Variants in TULP4 observed in about 807,000 individuals in gnomAD.
The protein encoded by TULP4 is tubby-related protein 4.
In TULP4, 16 loss-of-function variants were observed where a neutral mutation model predicts 129.0. The observed-to-expected ratio is 0.12, with a 90% CI of 0.08 to 0.19. TULP4 has a LOEUF of 0.19. Among genes scored for constraint, TULP4 ranks in the 10% least tolerant of loss-of-function variants. TULP4 has a pLI of 1.00. For missense variants in TULP4, 1,842 were observed against 2,059.1 expected (o/e 0.89, Z 2.04); for synonymous variants, 998 against 854.0 (o/e 1.17, Z -2.94).
chr6:158,449,062 G>C lies in TULP4; in HGVS notation c.610G>C (p.Val204Leu). 4.3e-6 allele frequency: 7 copies of C among 1,613,966 alleles called. No individual in the cohort carries two copies. Among genetic ancestry groups the C allele is most frequent in the Non-Finnish European group, 5.9e-6 (7 of 1,179,904 alleles). ...MDCHGRMLAHVLLHESDGVLG... is the reference protein window; with the variant it reads ...MDCHGRMLAHLLLHESDGVLG... Reference sequence around the variant, plus strand: ...TTGCCACGGCAGAATGCTGGCCCACGTCCTCTTGCACGAGTCAGACGGTGT... The same window carrying C: ...TTGCCACGGCAGAATGCTGGCCCACCTCCTCTTGCACGAGTCAGACGGTGT... Residue 204 changes from valine to leucine, a missense_variant, in exon 4 of 14, where the codon GTC becomes CTC. This residue lies in a region of TULP4 where 456 missense variants were observed against 534.3 expected (regional missense o/e 0.85). Coordinates refer to ENST00000367097, the MANE Select transcript of TULP4 (RefSeq NM_020245.5).
intron 1 of TULP4, among the ~76,000 whole-genome samples, chr6:158,372,164 C>CTTTTT (rs67123255): frequency 0.51 from 42,082 of 82,930 alleles, 12,374 homozygotes; most frequent in South Asian, 0.55. Flanking sequence ...ATTCTATCTG[C>CTTTTT]TTTTTTTTTT....
chr6:158,471,413 A>G lies in TULP4; in HGVS notation c.1027-8338A>G, dbSNP rs183427793. Among the ~76,000 whole-genome samples, 15 of 152,368 alleles carry G rather than the reference A, an allele frequency of 9.8e-5. No homozygotes were observed. In the East Asian group the frequency reaches 2.9e-3, roughly 29 times the overall value. Reference sequence around the variant, plus strand: ...GTAGCAGGGCCAAGGAGTCGAAGGAATCTAGGAAACTGCTAAGGATACTAT... The same window carrying G: ...GTAGCAGGGCCAAGGAGTCGAAGGAGTCTAGGAAACTGCTAAGGATACTAT... On this transcript the variant is annotated intron_variant, in intron 6 of 13. Transcript: ENST00000367097.
chr6:158,394,446 G>A (rs1777658525), intron 1 of TULP4, among the ~76,000 whole-genome samples: 1 of 151,886 alleles, frequency 6.6e-6, no homozygotes, highest in Admixed American at 6.6e-5. Flanking sequence ...CCCACTCCTG[G>A]TACCGATTTT....
At chr6:158,272,947 A>T (rs192125006) in intron 1 of TULP4, among the ~76,000 whole-genome samples, 6 of 152,356 alleles carry the variant, frequency 3.9e-5, no homozygotes, top group Admixed American at 2.6e-4. Flanking sequence ...AGATGCATAG[A>T]GATCTCATGA....
chr6:158,439,217 A>C (rs778766983), intron 3 of TULP4, among the ~76,000 whole-genome samples: 1 of 152,166 alleles, frequency 6.6e-6, no homozygotes, highest in Admixed American at 6.5e-5. Context: ...TATAAATATC[A>C]ACTAACACAT....
chr6:158,249,295 G>A (rs1043197375), intron 1 of TULP4, among the ~76,000 whole-genome samples: 2 of 149,534 alleles, frequency 1.3e-5, no homozygotes, highest in Admixed American at 6.6e-5. Flanking sequence ...ATTTTCTGTT[G>A]CCTGAATAAT....
At chr6:158,401,048 TTTTTG>T (rs932435595) in intron 1 of TULP4, among the ~76,000 whole-genome samples, 3 of 108,758 alleles carry the variant, frequency 2.8e-5, no homozygotes, top group Non-Finnish European at 6.2e-5. Flanking sequence ...TTGTTTGGGT[TTTTTG>T]TTGTTGTTGT....
At chr6:158,304,446 T>C (rs1443260001) in intron 1 of TULP4, among the ~76,000 whole-genome samples, 2 of 152,200 alleles carry the variant, frequency 1.3e-5, no homozygotes, top group Admixed American at 6.5e-5. Flanking sequence ...TCTAATAATA[T>C]CTGTGGAGGT....
At chr6:158,424,016 C>T (rs1778416031) in intron 2 of TULP4, among the ~76,000 whole-genome samples, 1 of 152,000 alleles carries the variant, frequency 6.6e-6, no homozygotes, top group Non-Finnish European at 1.5e-5. Context: ...TTGAAGTACA[C>T]ATATCTGATA....
rs1364876016 is a variant in TULP4, at chr6:158,508,912, G to C, written c.*2218G>C. 3 of 131,602 alleles carry C rather than the reference G, an allele frequency of 2.3e-5. No homozygotes were observed. The highest frequency in any genetic ancestry group is 4.8e-5 in the Non-Finnish European group (3 of 62,880). 8.2% of individuals were successfully genotyped at this position (131,602 alleles called of 1,614,324 possible). A position where few individuals can be genotyped will look rare whatever the true frequency, so the allele number is the denominator to read the frequency against. ...TTTTTTTTTTTTTTTTTTTGAGACGGAGTCCCACTCTTGTCGCCCAACTAG... is the reference window on the plus strand; with the variant it reads ...TTTTTTTTTTTTTTTTTTTGAGACGCAGTCCCACTCTTGTCGCCCAACTAG... On this transcript the variant is annotated 3_prime_UTR_variant, in exon 14 of 14. Coordinates refer to ENST00000367097, the MANE Select transcript of TULP4 (RefSeq NM_020245.5).
chr6:158,360,895 G>A (rs998634898), intron 1 of TULP4, among the ~76,000 whole-genome samples: 1 of 152,108 alleles, frequency 6.6e-6, no homozygotes, highest in Admixed American at 6.5e-5. Flanking sequence ...ACCATTAGCA[G>A]AATTACATTT....
At chr6:158,426,569 A>C (rs139887880) in intron 2 of TULP4, among the ~76,000 whole-genome samples, 79 of 152,112 alleles carry the variant, frequency 5.2e-4, no homozygotes, top group African/African-American at 1.9e-3. Flanking sequence ...GTTCTGTTCC[A>C]TTGGTCTGTG....
chr6:158,236,451 CA>C (rs1777701679), intron 1 of TULP4, among the ~76,000 whole-genome samples: 1 of 152,098 alleles, frequency 6.6e-6, no homozygotes, highest in Admixed American at 6.5e-5. Flanking sequence ...CTTTACATTT[CA>C]ACTATTTATC....
At chr6:158,404,559 C>G (rs1777930919) in intron 1 of TULP4, among the ~76,000 whole-genome samples, 1 of 151,982 alleles carries the variant, frequency 6.6e-6, no homozygotes, top group African/African-American at 2.4e-5. Flanking sequence ...GGGTGGATCA[C>G]AAGGTCACGA....
rs563226638 is a variant in TULP4 at position 158,252,285 on chromosome 6, A to AT, written n.68+19988dup. ...TCTTTTTTCCATTGTTTCTACCTTG[A>AT]TTTTTTAGAAAGTCTTTTTCCCATA... On this transcript the variant is annotated intron_variant and non_coding_transcript_variant, in intron 1 of 1. Transcript: ENST00000620026. 2.7e-4 allele frequency among the ~76,000 whole-genome samples: 39 copies of AT among 144,236 alleles called. No homozygotes were observed. The East Asian group carries it at 7.1e-3, about 26-fold the overall frequency. The allele number at this position is 144,236 out of a possible 152,430, so 94.6% of individuals were successfully genotyped here.
chr6:158,349,200 C>CTGCCCGGCTGCCCCGT (rs1562529867), intron 1 of TULP4, among the ~76,000 whole-genome samples: 19 of 147,196 alleles, frequency 1.3e-4, no homozygotes, highest in Non-Finnish European at 2.4e-4. Context: ...GCGCTCCTCA[C>CTGCCCGGCTGCCCCGT]CTCTCAGACG....
chr6:158,369,923 C>T (rs937558834), intron 1 of TULP4, among the ~76,000 whole-genome samples: 1 of 152,134 alleles, frequency 6.6e-6, no homozygotes, highest in Admixed American at 6.5e-5. Flanking sequence ...TGCAGTGGCT[C>T]AAGCCTATAA....
intron 1 of TULP4, among the ~76,000 whole-genome samples, chr6:158,350,438 T>C (rs1236248633): frequency 6.6e-6 from 1 of 152,132 alleles, no homozygotes. Context: ...CTGGGCAACA[T>C]TGAGCACTGA....
intron 3 of TULP4, among the ~76,000 whole-genome samples, chr6:158,435,425 T>C (rs1778729518): frequency 6.6e-6 from 1 of 152,170 alleles, no homozygotes; most frequent in Non-Finnish European, 1.5e-5. Flanking sequence ...TTCTGGACCC[T>C]GTCAGCACAT....
Sources: gnomAD v4.1 joint callset for allele counts (sites outside exome capture counted in the v4.1 genomes callset) on GRCh38, gnomAD v4.1.1 for gene constraint, gnomAD v4.1.1 regional missense constraint, MANE v1.5 for transcripts, NCBI Gene and HGNC (gene_info 2026-07-23, HGNC 2026-07-21) for gene names.